PRDM5: variants seen among roughly 807,000 people sequenced by gnomAD.
The protein encoded by PRDM5 is PR/SET domain 5, also known as PR domain zinc finger protein 5.
A neutral mutation model predicts 81.2 loss-of-function variants in PRDM5; 56 were observed. The observed-to-expected ratio is 0.69, with a 90% confidence interval of 0.56 to 0.86. The LOEUF is 0.86. PRDM5 is among the 40% of genes least tolerant of loss of function. The probability of loss-of-function intolerance (pLI) is 0.00; values close to 1 mark genes in which losing one functional copy is unlikely to be tolerated. For synonymous variants in PRDM5, 267 were observed against 256.4 expected (o/e 1.04, Z -0.39); for missense variants, 697 against 770.1 (o/e 0.91, Z 1.12).
At chr4:120,888,617 C>A (rs1373986804) in intron 2 of PRDM5, among the ~76,000 whole-genome samples, 2 of 152,122 alleles carry the variant, frequency 1.3e-5, no homozygotes, top group Non-Finnish European at 2.9e-5. Context: ...TAGTTAATAT[C>A]TGTCTAGTGG....
intron 14 of PRDM5, among the ~76,000 whole-genome samples, chr4:120,732,028 A>G (rs1043962377): frequency 5.9e-5 from 9 of 152,128 alleles, no homozygotes; most frequent in Non-Finnish European, 8.8e-5. Flanking sequence ...TAGTTAAGGA[A>G]CTGTGTGTCT....
At chr4:120,910,373 G>A (rs1766373664) in intron 1 of PRDM5, among the ~76,000 whole-genome samples, 1 of 152,204 alleles carries the variant, frequency 6.6e-6, no homozygotes, top group Non-Finnish European at 1.5e-5. Context: ...GGCTTTAGAT[G>A]AAGATTTTAT....
At chr4:120,806,923 T>G (rs1302331964) in intron 8 of PRDM5, among the ~76,000 whole-genome samples, 1 of 152,054 alleles carries the variant, frequency 6.6e-6, no homozygotes, top group Non-Finnish European at 1.5e-5. Context: ...ACCTACAGAA[T>G]GGGAGAAAAT....
intron 3 of PRDM5, among the ~76,000 whole-genome samples, chr4:120,845,050 A>T (rs1419015386): frequency 6.7e-6 from 1 of 150,334 alleles, no homozygotes; most frequent in Non-Finnish European, 1.5e-5. Flanking sequence ...GTGAAGGCTG[A>T]GAGAGACAAG....
chr4:120,888,583 T>A (rs1012310894), intron 2 of PRDM5, among the ~76,000 whole-genome samples: 2 of 152,238 alleles, frequency 1.3e-5, no homozygotes, highest in Non-Finnish European at 1.5e-5. Flanking sequence ...TAGGTTCTTG[T>A]ACAAATCTTT....
intron 2 of PRDM5, among the ~76,000 whole-genome samples, chr4:120,860,485 A>G (rs1760441006): frequency 1.3e-5 from 2 of 152,234 alleles, no homozygotes; most frequent in Non-Finnish European, 2.9e-5. Context: ...GCGCCTAAAC[A>G]GCACAGAAAC....
At chr4:120,699,187 T>A (rs372555257) in intron 15 of PRDM5, among the ~76,000 whole-genome samples, 1 of 114,954 alleles carries the variant, frequency 8.7e-6, no homozygotes, top group African/African-American at 4.3e-5. Context: ...TATATATATA[T>A]ATATATATAT....
At chr4:120,783,543 C>G (rs1309332532) in intron 11 of PRDM5, among the ~76,000 whole-genome samples, 1 of 152,056 alleles carries the variant, frequency 6.6e-6, no homozygotes. Context: ...AGCATCAAGT[C>G]AAATTTAGCC....
intron 14 of PRDM5, among the ~76,000 whole-genome samples, chr4:120,734,446 A>ACACC (rs941793836): frequency 7.3e-5 from 11 of 151,146 alleles, no homozygotes; most frequent in African/African-American, 2.2e-4. Context: ...ACACACACAC[A>ACACC]CCCTTACTCA....
At chr4:120,766,714 CA>C (rs1282048568) in intron 13 of PRDM5, among the ~76,000 whole-genome samples, 1 of 152,128 alleles carries the variant, frequency 6.6e-6, no homozygotes, top group African/African-American at 2.4e-5. Flanking sequence ...CTAGCTGAAC[CA>C]CATACAAGTT....
chr4:120,728,868 C>T (rs1739833559), intron 14 of PRDM5, among the ~76,000 whole-genome samples: 1 of 152,014 alleles, frequency 6.6e-6, no homozygotes, highest in Non-Finnish European at 1.5e-5. Flanking sequence ...GAAAAATATC[C>T]AAATGTGTGA....
intron 2 of PRDM5, among the ~76,000 whole-genome samples, chr4:120,877,106 A>T (rs1762398850): frequency 6.6e-6 from 1 of 152,214 alleles, no homozygotes; most frequent in South Asian, 2.1e-4. Context: ...CTGAAAAATA[A>T]CTCCAGTGCC....
intron 11 of PRDM5, among the ~76,000 whole-genome samples, chr4:120,782,799 G>A (rs1047741003): frequency 6.6e-6 from 1 of 151,814 alleles, no homozygotes; most frequent in Non-Finnish European, 1.5e-5. Flanking sequence ...ATCGATTCAG[G>A]TACTGAAAGA....
intron 8 of PRDM5, among the ~76,000 whole-genome samples, chr4:120,809,612 A>C (rs1191465820): frequency 2.0e-5 from 3 of 152,216 alleles, no homozygotes; most frequent in Non-Finnish European, 4.4e-5. Context: ...ATACCTTATC[A>C]TTATAGGAGA....
chr4:120,699,994 C>T (rs1231038474), intron 15 of PRDM5, among the ~76,000 whole-genome samples: 1 of 139,658 alleles, frequency 7.2e-6, no homozygotes. Flanking sequence ...CCAAAGCAAT[C>T]CTAAGCAAAA....
At chr4:120,780,922 G>T (rs1748945599) in intron 12 of PRDM5, among the ~76,000 whole-genome samples, 1 of 152,106 alleles carries the variant, frequency 6.6e-6, no homozygotes. Context: ...GTTATGAAGA[G>T]TCTACATCTA....
At chr4:120,773,274 A>T (rs562287884) in intron 13 of PRDM5, among the ~76,000 whole-genome samples, 147 of 152,294 alleles carry the variant, frequency 9.7e-4, no homozygotes, top group African/African-American at 3.0e-3. Flanking sequence ...TGAGCCTGTC[A>T]TTGAAAAAAA....
intron 12 of PRDM5, among the ~76,000 whole-genome samples, chr4:120,777,908 C>T (rs932126590): frequency 5.9e-5 from 9 of 152,048 alleles, no homozygotes; most frequent in African/African-American, 1.7e-4. Context: ...AAGCAAGTTT[C>T]GATAAATGCT....
At chr4:120,799,819 T>TAA in intron 8 of PRDM5, 74 bp from the exon 9 acceptor site, 2 of 1,566,202 alleles carry the variant, frequency 1.3e-6, no homozygotes, top group South Asian at 2.3e-5. Context: ...AGCAAAAGTG[T>TAA]AAACATGTGA....
Sources: gnomAD v4.1 joint callset for allele counts (sites outside exome capture counted in the v4.1 genomes callset) on GRCh38, gnomAD v4.1.1 for gene constraint, MANE v1.5 for transcripts, NCBI Gene and HGNC (gene_info 2026-07-23, HGNC 2026-07-21) for gene names.